CERS6: variants seen among roughly 807,000 people sequenced by gnomAD.
CERS6 encodes LAG1 homolog, ceramide synthase 6.
CERS6 carries 26 observed loss-of-function variants against 56.8 expected under a neutral mutation model. The observed-to-expected ratio is 0.46, with a 90% CI of 0.34 to 0.63. The LOEUF is 0.63. Among genes scored for constraint, CERS6 ranks in the 30% least tolerant of loss-of-function variants. The probability of loss-of-function intolerance (pLI) is 0.01; values close to 1 mark genes in which losing one functional copy is unlikely to be tolerated. For synonymous variants in CERS6, 164 were observed against 173.3 expected, an observed-to-expected ratio of 0.95 and a Z score of 0.42; for missense variants, 415 against 467.5, an observed-to-expected ratio of 0.89 and a Z score of 1.04.
intron 6 of CERS6, among the ~76,000 whole-genome samples, chr2:168,699,399 C>T (rs1275259127): frequency 6.6e-6 from 1 of 152,110 alleles, no homozygotes; most frequent in Non-Finnish European, 1.5e-5. Flanking sequence ...TTCTTTGGCT[C>T]CCATATTAAA....
intron 3 of CERS6, among the ~76,000 whole-genome samples, chr2:168,576,877 A>G (rs770602138): frequency 1.2e-4 from 19 of 152,226 alleles, no homozygotes; most frequent in Non-Finnish European, 2.4e-4. Flanking sequence ...GAATTCAAGA[A>G]TGACGCTTGG....
At chr2:168,701,217 G>T (rs574802763) in intron 6 of CERS6, among the ~76,000 whole-genome samples, 17 of 152,172 alleles carry the variant, frequency 1.1e-4, no homozygotes, top group Non-Finnish European at 2.2e-4. Flanking sequence ...AGGTTTTAAG[G>T]ACTTTGTAAT....
intron 1 of CERS6, among the ~76,000 whole-genome samples, chr2:168,460,282 C>T (rs1430266295): frequency 6.6e-6 from 1 of 151,956 alleles, no homozygotes; most frequent in Non-Finnish European, 1.5e-5. Context: ...GCAACCTCCA[C>T]CTCCTGGGCT....
intron 1 of CERS6, among the ~76,000 whole-genome samples, chr2:168,473,725 GA>G (rs1454953957): frequency 1.3e-5 from 2 of 151,032 alleles, no homozygotes; most frequent in Non-Finnish European, 2.9e-5. Context: ...CCCCATACAC[GA>G]AAAAAATAAA....
chr2:168,609,980 T>G (rs1467571730), intron 3 of CERS6, among the ~76,000 whole-genome samples: 1 of 142,562 alleles, frequency 7.0e-6, no homozygotes, highest in African/African-American at 2.6e-5. Context: ...GACTGTTTTT[T>G]TTTTTTTTTT....
intron 1 of CERS6, among the ~76,000 whole-genome samples, chr2:168,470,034 T>C (rs1693948217): frequency 6.6e-6 from 1 of 151,986 alleles, no homozygotes; most frequent in Non-Finnish European, 1.5e-5. Flanking sequence ...TCTCAGGAAA[T>C]GCCATTTCAG....
At chr2:168,699,341 CTTCAGAAGACG>C (rs1686747143) in intron 6 of CERS6, among the ~76,000 whole-genome samples, 1 of 152,198 alleles carries the variant, frequency 6.6e-6, no homozygotes, top group Non-Finnish European at 1.5e-5. Flanking sequence ...TGGAAATCAA[CTTCAGAAGACG>C]TTCATGAGGT....
intron 1 of CERS6, among the ~76,000 whole-genome samples, chr2:168,482,513 T>C (rs927302599): frequency 6.6e-6 from 1 of 152,216 alleles, no homozygotes. Flanking sequence ...ATGAGGCATA[T>C]TATGAGTGGT....
At chr2:168,649,242 C>T (rs1685279820) in intron 4 of CERS6, among the ~76,000 whole-genome samples, 1 of 151,896 alleles carries the variant, frequency 6.6e-6, no homozygotes, top group African/African-American at 2.4e-5. Context: ...TGTTATTACT[C>T]CACTTAAAAC....
intron 8 of CERS6, among the ~76,000 whole-genome samples, chr2:168,756,705 C>T (rs574928600): frequency 3.7e-4 from 57 of 152,190 alleles, no homozygotes; most frequent in African/African-American, 1.1e-3. Flanking sequence ...GGGGACGGAT[C>T]GGCTCTGAGC....
Position 168,456,389 on chromosome 2 carries a change from C to G in CERS6, c.-60C>G. 1 of 1,399,446 alleles carries G rather than the reference C, an allele frequency of 7.1e-7. No individual in the cohort carries two copies. 86.7% of individuals were successfully genotyped at this position (1,399,446 alleles called of 1,614,324 possible). The stretch of plus-strand genomic sequence containing the variant: ...AGCCGGGCGCGCATCCCCGGGCGCC[C>G]TGCGCGGTGGAGAGCTTGGCGGGCT... On this transcript the variant is annotated 5_prime_UTR_variant, in exon 1 of 10. Coordinates refer to ENST00000305747, the MANE Select transcript of CERS6 (RefSeq NM_203463.3). The surrounding 1 kb of genome is among the most constrained non-coding windows in gnomAD (Gnocchi z 4.1).
At chr2:168,741,199 T>C (rs1469034637) in intron 8 of CERS6, among the ~76,000 whole-genome samples, 1 of 152,014 alleles carries the variant, frequency 6.6e-6, no homozygotes, top group Non-Finnish European at 1.5e-5. Flanking sequence ...AGCTGCAAAA[T>C]TGGGGAATAA....
intron 1 of CERS6, among the ~76,000 whole-genome samples, chr2:168,506,783 T>C (rs191073905): frequency 1.5e-3 from 227 of 152,300 alleles, no homozygotes; most frequent in African/African-American, 5.0e-3. Context: ...TTTGTAGCAA[T>C]TAGATTGCTA....
intron 4 of CERS6, among the ~76,000 whole-genome samples, chr2:168,683,540 T>C (rs1267031041): frequency 1.3e-5 from 2 of 152,242 alleles, no homozygotes; most frequent in Non-Finnish European, 2.9e-5. Context: ...TAATAGCCAC[T>C]GTCACTGGCT....
intron 4 of CERS6, among the ~76,000 whole-genome samples, chr2:168,640,614 G>A (rs540941637): frequency 7.8e-4 from 119 of 152,324 alleles, no homozygotes; most frequent in African/African-American, 2.4e-3. Context: ...CATTTATTAA[G>A]CATCGATGCA....
intron 4 of CERS6, among the ~76,000 whole-genome samples, chr2:168,682,873 G>C (rs983931220): frequency 6.6e-6 from 1 of 152,042 alleles, no homozygotes; most frequent in Non-Finnish European, 1.5e-5. Context: ...GCTTACATCC[G>C]GGTCTTTATC....
At chr2:168,659,332 T>C (rs1166883506) in intron 4 of CERS6, among the ~76,000 whole-genome samples, 1 of 152,210 alleles carries the variant, frequency 6.6e-6, no homozygotes. Flanking sequence ...AACAAAAATC[T>C]CCTTTTCTCT....
chr2:168,601,881 C>CA (rs1350524194), intron 3 of CERS6, among the ~76,000 whole-genome samples: 4 of 152,144 alleles, frequency 2.6e-5, no homozygotes, highest in Non-Finnish European at 5.9e-5. Context: ...CCTTAAAAAA[C>CA]AAATTTTATT....
At chr2:168,516,715 T>TA (rs1323785050) in intron 1 of CERS6, among the ~76,000 whole-genome samples, 7 of 152,194 alleles carry the variant, frequency 4.6e-5, no homozygotes, top group African/African-American at 1.7e-4. Flanking sequence ...TGTTATTTGA[T>TA]ATGTGACCTT....
Sources: allele counts gnomAD v4.1 joint callset (sites outside exome capture counted in the v4.1 genomes callset), GRCh38; gene constraint gnomAD v4.1.1; non-coding constraint Gnocchi (gnomAD v3.1); transcripts MANE v1.5; gene names NCBI Gene and HGNC (gene_info 2026-07-23, HGNC 2026-07-21).